Variants in POLR3F observed in about 807,000 individuals in gnomAD.
The protein encoded by POLR3F is DNA-directed RNA polymerase III subunit RPC6.
POLR3F carries 31 observed loss-of-function variants against 43.6 expected under a neutral mutation model. The observed-to-expected ratio is 0.71, with a 90% CI of 0.53 to 0.96. The LOEUF (loss-of-function observed/expected upper bound fraction) is 0.96. Among genes scored for constraint, POLR3F ranks in the 40% least tolerant of loss-of-function variants. POLR3F has a pLI of 0.00. For synonymous variants in POLR3F, 114 were observed against 132.5 expected, an observed-to-expected ratio of 0.86 and a Z score of 0.96; for missense variants, 316 against 391.7, an observed-to-expected ratio of 0.81 and a Z score of 1.63.
At chr20:18,481,391 G>T (rs2148867750) in intron 7 of POLR3F, among the ~76,000 whole-genome samples, 1 of 108,030 alleles carries the variant, frequency 9.3e-6, no homozygotes, top group South Asian at 3.8e-4. Flanking sequence ...ACAAGTGCCT[G>T]CCACCATACC....
intron 5 of POLR3F, among the ~76,000 whole-genome samples, chr20:18,476,194 G>A (rs960988861): frequency 7.2e-5 from 11 of 152,222 alleles, no homozygotes; most frequent in South Asian, 2.1e-4. Context: ...AACCATCACC[G>A]CTGTTCTAAT....
At chr20:18,467,803 T>C in intron 1 of POLR3F, 3 of 763,822 alleles carry the variant, frequency 3.9e-6, no homozygotes, top group Non-Finnish European at 4.0e-6. Context: ...GGCTTTGCCC[T>C]GATACTTTTG....
At chr20:18,473,304 G>C (rs1228054011) in intron 3 of POLR3F, 87 bp from the exon 4 acceptor site, 1 of 628,724 alleles carries the variant, frequency 1.6e-6, no homozygotes, top group Non-Finnish European at 2.9e-6. Context: ...TGGTGACCTT[G>C]TCTGCTAATT....
rs1290457037 is a variant in POLR3F, at chr20:18,467,543, G to C, written c.37G>C (p.Ala13Pro). ...GAAGGTGAAGGTGCAGCCGCCTGAC[G>C]CGGATCCGGTCGAAATAGAAAACAG... ...EVKVKVQPPD[A>P]DPVEIENRII... Residue 13 changes from alanine (A) to proline (P), a missense_variant, in exon 1 of 9, where the codon GCG (alanine) becomes CCG (proline). Physicochemically the swap from Ala to Pro is conservative, Grantham distance 27. This residue lies in a region of POLR3F where 122 missense variants were observed against 133.8 expected (regional missense o/e 0.91). Coordinates refer to ENST00000377603, the MANE Select transcript of POLR3F (RefSeq NM_006466.4). The C allele has an allele frequency of 3.7e-6, 6 of 1,614,282 alleles. No homozygotes were observed. Among genetic ancestry groups the C allele is most frequent in the Non-Finnish European group, 5.1e-6 (6 of 1,180,048 alleles).
At chr20:18,482,141 C>A (rs890315982) in intron 8 of POLR3F, among the ~76,000 whole-genome samples, 3 of 152,054 alleles carry the variant, frequency 2.0e-5, no homozygotes, top group Non-Finnish European at 4.4e-5. Flanking sequence ...GCACCCACCA[C>A]CATGCCCAGC....
At chr20:18,476,796 G>C (rs1278214694) in intron 5 of POLR3F, among the ~76,000 whole-genome samples, 1 of 152,204 alleles carries the variant, frequency 6.6e-6, no homozygotes, top group East Asian at 1.9e-4. Flanking sequence ...AATATACAAA[G>C]AACTCCTAAA....
At chr20:18,483,448 A>T in intron 8 of POLR3F, 33 bp from the exon 9 acceptor site, 1 of 1,031,776 alleles carries the variant, frequency 9.7e-7, no homozygotes. Context: ...TTAAAACTTT[A>T]ATTTGAATAT....
intron 1 of POLR3F, 169 bp downstream of exon 1, chr20:18,467,737 C>T (rs1161719417): frequency 2.9e-6 from 4 of 1,377,864 alleles, no homozygotes; most frequent in Non-Finnish European, 3.9e-6. Flanking sequence ...CCTGGGAGAG[C>T]AGAACTCAAG....
intron 5 of POLR3F, 25 bp downstream of exon 5, chr20:18,475,212 C>G: frequency 1.2e-6 from 1 of 834,518 alleles, no homozygotes; most frequent in Non-Finnish European, 2.0e-6. Context: ...CCTCAGATAC[C>G]CACTTACATA....
intron 5 of POLR3F, among the ~76,000 whole-genome samples, chr20:18,476,283 G>A (rs537806334): frequency 5.3e-5 from 8 of 152,214 alleles, no homozygotes; most frequent in Non-Finnish European, 1.0e-4. Context: ...CCCTAAAAAC[G>A]AATAATTTAT....
At chr20:18,479,340 C>CA (rs1196070576) in intron 5 of POLR3F, among the ~76,000 whole-genome samples, 3 of 149,730 alleles carry the variant, frequency 2.0e-5, no homozygotes, top group African/African-American at 7.4e-5. Flanking sequence ...GCTAAAAATA[C>CA]AAAAATTAGC....
chr20:18,475,067 T>C lies in POLR3F; in HGVS notation c.317-8T>C, dbSNP rs76536101. ...GAGTTCAACTTATTTTACTTTACTT[T>C]CTTATAGGAATATGGAGCAGAGATA... On this transcript the variant is annotated splice_region_variant and splice_polypyrimidine_tract_variant and intron_variant, in intron 4 of 8. Transcript: ENST00000377603. 2,134 of 1,162,600 alleles carry C rather than the reference T, an allele frequency of 1.8e-3. 21 individuals carry two copies. In the African/African-American group the frequency reaches 0.029, roughly 16 times the overall value. The allele number at this position is 1,162,600 out of a possible 1,614,324, so 72.0% of individuals were successfully genotyped here.
At chr20:18,483,193 T>TGCCTC (rs1368533183) in intron 8 of POLR3F, among the ~76,000 whole-genome samples, 20 of 151,976 alleles carry the variant, frequency 1.3e-4, no homozygotes, top group Non-Finnish European at 2.8e-4. Flanking sequence ...GCCTCCCGAG[T>TGCCTC]AGCTGGGATT....
chr20:18,482,491 A>G (rs2059816142), intron 8 of POLR3F, among the ~76,000 whole-genome samples: 1 of 152,136 alleles, frequency 6.6e-6, no homozygotes, highest in African/African-American at 2.4e-5. Flanking sequence ...ACATTCTTGA[A>G]GCTAGTGGTG....
intron 1 of POLR3F, among the ~76,000 whole-genome samples, chr20:18,468,179 C>T (rs1284144093): frequency 1.3e-5 from 2 of 152,320 alleles, no homozygotes; most frequent in South Asian, 4.1e-4. Flanking sequence ...CGGGTTCAAG[C>T]GATTCCCCTG....
At chr20:18,468,377 G>A (rs113097626) in intron 1 of POLR3F, among the ~76,000 whole-genome samples, 3,219 of 152,270 alleles carry the variant, frequency 0.021, 57 homozygotes, top group African/African-American at 0.027. Context: ...GCCCGGCCCA[G>A]TTTTATATTT....
intron 1 of POLR3F, 66 bp from the exon 2 acceptor site, chr20:18,468,878 T>G (rs1359938570): frequency 3.7e-6 from 3 of 810,548 alleles, no homozygotes; most frequent in Non-Finnish European, 6.6e-6. Flanking sequence ...TCTACTTGTA[T>G]TTTTACCCCC....
In POLR3F at chr20:18,480,639, C is replaced by T. The variant is rs2059805233; in HGVS notation, c.681+130C>T. On this transcript the variant is annotated intron_variant, in intron 7 of 8. Coordinates refer to ENST00000377603, the MANE Select transcript of POLR3F (RefSeq NM_006466.4). ...AGCTACGAACATTCTGCAGAATCCA[C>T]TTTGGGAAAATACTGTCCTGTATCT... 6.1e-6 allele frequency: 4 copies of T among 654,132 alleles called. No individual in the cohort carries two copies. In the South Asian group the frequency reaches 7.7e-5, roughly 13 times the overall value. 40.5% of individuals were successfully genotyped at this position (654,132 alleles called of 1,614,324 possible). A position where few individuals can be genotyped will look rare whatever the true frequency, so the allele number is the denominator to read the frequency against.
intron 8 of POLR3F, among the ~76,000 whole-genome samples, chr20:18,482,677 A>C (rs1227981762): frequency 2.0e-5 from 3 of 152,176 alleles, no homozygotes; most frequent in Non-Finnish European, 2.9e-5. Flanking sequence ...CTAGGCACTA[A>C]GGATACAAGA....
Sources: allele counts gnomAD v4.1 joint callset (sites outside exome capture counted in the v4.1 genomes callset), GRCh38; gene constraint gnomAD v4.1.1; regional missense constraint gnomAD v4.1.1; transcripts MANE v1.5; gene names NCBI Gene and HGNC (gene_info 2026-07-23, HGNC 2026-07-21).